Variants in BRD10 observed in about 807,000 individuals in gnomAD.
BRD10 encodes the protein uncharacterized bromodomain-containing protein 10.
At chr9:5,904,527 C>T in the BRD10 span, among the ~76,000 whole-genome samples, 24 of 152,216 alleles carry the variant, frequency 1.6e-4, no homozygotes, top group Non-Finnish European at 3.2e-4. Context: ...GGCTGGAGTG[C>T]AGTGGCACGA....
the BRD10 span, among the ~76,000 whole-genome samples, chr9:5,942,235 C>T: frequency 6.6e-6 from 1 of 151,894 alleles, no homozygotes; most frequent in African/African-American, 2.4e-5. Flanking sequence ...TTATTCATAA[C>T]GATGACCCTC....
chr9:5,933,416 C>A, the BRD10 span, among the ~76,000 whole-genome samples: 2 of 152,094 alleles, frequency 1.3e-5, no homozygotes, highest in Non-Finnish European at 2.9e-5. Context: ...CAAAGACATA[C>A]AATATAATTT....
At chr9:5,932,440 G>C in the BRD10 span, among the ~76,000 whole-genome samples, 1 of 152,078 alleles carries the variant, frequency 6.6e-6, no homozygotes, top group Non-Finnish European at 1.5e-5. Context: ...ATGAATGGTT[G>C]TGTCTACACT....
At chr9:5,957,607 T>C in the BRD10 span, among the ~76,000 whole-genome samples, 1 of 152,164 alleles carries the variant, frequency 6.6e-6, no homozygotes, top group Non-Finnish European at 1.5e-5. Context: ...GGTAAAATAC[T>C]GCATTCTTTC....
chr9:5,942,700 T>C, the BRD10 span, among the ~76,000 whole-genome samples: 2 of 152,160 alleles, frequency 1.3e-5, no homozygotes, highest in African/African-American at 4.8e-5. Flanking sequence ...GTTCCAAGAA[T>C]TTCTACTTTT....
the BRD10 span, among the ~76,000 whole-genome samples, chr9:5,951,536 T>C: frequency 6.0e-3 from 919 of 152,304 alleles, 12 homozygotes; most frequent in African/African-American, 0.021. Flanking sequence ...TATTTCTATA[T>C]TTTTATGTTT....
chr9:5,960,623 A>C, the BRD10 span, among the ~76,000 whole-genome samples: 11 of 151,854 alleles, frequency 7.2e-5, no homozygotes, highest in Non-Finnish European at 1.6e-4. Flanking sequence ...AAAACTTTCC[A>C]AACAGAACTG....
chr9:5,947,201 T>G, the BRD10 span, among the ~76,000 whole-genome samples: 2 of 152,140 alleles, frequency 1.3e-5, no homozygotes, highest in African/African-American at 4.8e-5. Flanking sequence ...AATTAGTACT[T>G]TTCAAACTTT....
the BRD10 span, among the ~76,000 whole-genome samples, chr9:6,005,324 A>G: frequency 6.6e-6 from 1 of 151,660 alleles, no homozygotes; most frequent in Non-Finnish European, 1.5e-5. Context: ...CAGCCTGGCC[A>G]ACATGGCGAA....
chr9:5,988,609 C>A, the BRD10 span: 2 of 1,202,536 alleles, frequency 1.7e-6, no homozygotes, highest in East Asian at 2.4e-5. Context: ...ACCCCCTTAG[C>A]CAGCAACTTA....
At chr9:5,938,858 A>T in the BRD10 span, among the ~76,000 whole-genome samples, 3 of 152,198 alleles carry the variant, frequency 2.0e-5, no homozygotes, top group Non-Finnish European at 4.4e-5. Context: ...AACCCTAAAT[A>T]AAACTAATTT....
the BRD10 span, among the ~76,000 whole-genome samples, chr9:5,984,864 T>C: frequency 1.3e-5 from 2 of 152,094 alleles, no homozygotes; most frequent in African/African-American, 2.4e-5. Context: ...AATTTCCATG[T>C]AATCTCAATC....
chr9:5,945,974 A>T, the BRD10 span, among the ~76,000 whole-genome samples: 3 of 152,096 alleles, frequency 2.0e-5, no homozygotes, highest in Non-Finnish European at 2.9e-5. Flanking sequence ...CGATACATTC[A>T]TTAATTTCAG....
chr9:5,940,982 T>G, the BRD10 span, among the ~76,000 whole-genome samples: 1 of 152,148 alleles, frequency 6.6e-6, no homozygotes, highest in South Asian at 2.1e-4. Context: ...AACATAGTTA[T>G]TGCAAAATTT....
chr9:5,999,595 T>C, the BRD10 span, among the ~76,000 whole-genome samples: 1 of 152,142 alleles, frequency 6.6e-6, no homozygotes, highest in East Asian at 1.9e-4. Flanking sequence ...TTAGGCCCTC[T>C]GTGATCTGGC....
the BRD10 span, among the ~76,000 whole-genome samples, chr9:5,882,220 G>A: frequency 1.3e-5 from 2 of 152,092 alleles, no homozygotes; most frequent in Non-Finnish European, 2.9e-5. Context: ...CTCTGTCTTT[G>A]TCTCTGTGGG....
At chr9:5,888,968 T>C in the BRD10 span, among the ~76,000 whole-genome samples, 8 of 152,332 alleles carry the variant, frequency 5.3e-5, no homozygotes, top group South Asian at 1.0e-3. Flanking sequence ...ACCAGCTCAG[T>C]GGCTGGTCTG....
the BRD10 span, chr9:5,929,263 G>T: frequency 6.9e-6 from 4 of 582,404 alleles, no homozygotes; most frequent in Non-Finnish European, 1.2e-5. Flanking sequence ...CCATAAAAAC[G>T]TATTTCTTCT....
chr9:5,894,644 C>A, the BRD10 span, among the ~76,000 whole-genome samples: 1 of 152,182 alleles, frequency 6.6e-6, no homozygotes, highest in South Asian at 2.1e-4. This position sits in a 1 kb window ranked among gnomAD's most constrained non-coding sequence, Gnocchi z 4.0. Context: ...CTGGCTCTGA[C>A]AATGCCGGAA....
Sources: gnomAD v4.1 joint callset for allele counts (sites outside exome capture counted in the v4.1 genomes callset) on GRCh38, gnomAD v4.1.1 for gene constraint, Gnocchi (gnomAD v3.1) non-coding constraint, MANE v1.5 for transcripts, NCBI Gene and HGNC (gene_info 2026-07-23, HGNC 2026-07-21) for gene names.